The following PLEKHG2 variants were observed in gnomAD, a reference collection of about 807,000 sequenced individuals.
PLEKHG2 encodes the protein pleckstrin homology domain-containing family G member 2.
A neutral mutation model predicts 104.4 loss-of-function variants in PLEKHG2; 71 were observed. The ratio of observed to expected loss-of-function variants is 0.68; its 90% CI spans 0.56 to 0.83. PLEKHG2 has a LOEUF of 0.83. Among genes scored for constraint, PLEKHG2 ranks in the 40% least tolerant of loss-of-function variants. The pLI is 0.00. For missense variants in PLEKHG2, 1,730 were observed against 1,809.4 expected, an observed-to-expected ratio of 0.96 and a Z score of 0.80; for synonymous variants, 728 against 737.0, an observed-to-expected ratio of 0.99 and a Z score of 0.20.
intron 11 of PLEKHG2, 115 bp from the exon 12 acceptor site, chr19:39,420,511 A>G: frequency 7.5e-7 from 1 of 1,341,696 alleles, no homozygotes; most frequent in African/African-American, 1.4e-5. Flanking sequence ...CGTATAGAGC[A>G]AGATCTAAAA....
At chr19:39,414,508 A>G (rs1047363215) in intron 2 of PLEKHG2, among the ~76,000 whole-genome samples, 1 of 152,214 alleles carries the variant, frequency 6.6e-6, no homozygotes, top group Admixed American at 6.5e-5. Context: ...TTCTACATGC[A>G]AGGAACAGCA....
chr19:39,424,281 C>G lies in PLEKHG2; in HGVS notation c.3148C>G (p.Pro1050Ala), dbSNP rs1307709374. The change falls in exon 19 of 19, where the codon CCA becomes GCA. Residue 1050 changes from proline to alanine, a missense_variant. By Grantham distance (27) the Pro-to-Ala change is conservative. Coordinates refer to ENST00000425673, the MANE Select transcript of PLEKHG2 (RefSeq NM_022835.3). ...KQEGHLDSES[P>A]TNIPLTKQGG... Reference sequence around the variant, plus strand: ...AGAAGGTCACCTAGACAGCGAGAGCCCAACCAATATCCCACTGACAAAGCA... The same window carrying G: ...AGAAGGTCACCTAGACAGCGAGAGCGCAACCAATATCCCACTGACAAAGCA... 3.7e-6 allele frequency: 6 copies of G among 1,614,076 alleles called. No homozygotes were observed. Among genetic ancestry groups the G allele is most frequent in the Non-Finnish European group, 5.1e-6 (6 of 1,180,012 alleles).
At chr19:39,418,177 C>T in intron 9 of PLEKHG2, 72 bp downstream of exon 9, 4 of 1,287,476 alleles carry the variant, frequency 3.1e-6, no homozygotes, top group South Asian at 2.3e-5. Context: ...ATCTGTGTGC[C>T]CGGCAGTGTG....
chr19:39,418,039 G>C lies in PLEKHG2; in HGVS notation c.1017G>C (p.Leu339=). 6.4e-7 allele frequency: 1 copy of C among 1,555,360 alleles called. No homozygotes were observed. The highest frequency in any genetic ancestry group is 8.7e-7 in the Non-Finnish European group (1 of 1,150,978). Residue 339 remains leucine (L), a synonymous_variant, in exon 9 of 19, where the codon CTG becomes CTC. Coordinates refer to ENST00000425673, the MANE Select transcript of PLEKHG2 (RefSeq NM_022835.3). The part of the protein sequence containing the change: ...RLRGGERLLF[L]FSRMLLVAKR... ...GAGGGGGTGAGCGGCTGCTCTTCCT[G>C]TTCTCTCGGATGCTGCTGGTGGCCA...
At chr19:39,421,949 G>A (rs1396374926) in intron 16 of PLEKHG2, 166 bp from the exon 17 acceptor site, 10 of 584,684 alleles carry the variant, frequency 1.7e-5, no homozygotes, top group Non-Finnish European at 2.1e-5. Context: ...CCCGGGAGGC[G>A]GAGATTGCAG....
rs761288345 is a variant in PLEKHG2, at chr19:39,425,063, T to C, written c.3930T>C (p.Ser1310=). 1.3e-6 allele frequency: 2 copies of C among 1,596,580 alleles called. No individual in the cohort carries two copies. Among genetic ancestry groups the C allele is most frequent in the Admixed American group, 1.8e-5 (1 of 57,140 alleles). ...APAASRGSWS[S]APTSRASSPP... The stretch of plus-strand genomic sequence containing the variant: ...CAGCCTCCCGGGGCTCCTGGTCCTC[T>C]GCTCCCACGTCACGGGCATCTTCGC... The change falls in exon 19 of 19, where the codon TCT becomes TCC. Residue 1310 remains serine (S), a synonymous_variant. Transcript: ENST00000425673.
In PLEKHG2 at chr19:39,413,371, G is replaced by A. The variant is rs2078547700; in HGVS notation, c.-64G>A. The A allele has an allele frequency of 6.6e-6, 1 of 152,228 alleles. No homozygotes were observed. Among genetic ancestry groups the A allele is most frequent in the African/African-American group, 2.4e-5 (1 of 41,432 alleles). 9.4% of individuals were successfully genotyped at this position (152,228 alleles called of 1,614,324 possible). ...TGGGGACCGCGTCGGGGTCGCGCAG[G>A]AGCCGGGCTGCCTCGAGCCGGGGCT... is the stretch of plus-strand genomic sequence containing the variant. On this transcript the variant is annotated 5_prime_UTR_variant, in exon 1 of 19. Coordinates refer to ENST00000425673, the MANE Select transcript of PLEKHG2 (RefSeq NM_022835.3). The surrounding 1 kb of genome is among the most constrained non-coding windows in gnomAD (Gnocchi z 4.5).
chr19:39,413,013 A>T lies in PLEKHG2; in HGVS notation c.-422A>T, dbSNP rs988084887. ...GAGATCCGGACTTCTAAGCGCCCCA[A>T]CCAGTTTCGGGCTGCAGCGGCCATC... On this transcript the variant is annotated 5_prime_UTR_variant, in exon 1 of 19. Coordinates refer to ENST00000425673, the MANE Select transcript of PLEKHG2 (RefSeq NM_022835.3). The surrounding 1 kb of genome is among the most constrained non-coding windows in gnomAD (Gnocchi z 4.5). 4 of 152,024 alleles carry T rather than the reference A, an allele frequency of 2.6e-5. No individual in the cohort carries two copies. Among genetic ancestry groups the T allele is most frequent in the Admixed American group, 2.0e-4 (3 of 15,256 alleles). The allele number at this position is 152,024 out of a possible 1,614,324, so 9.4% of individuals were successfully genotyped here. A position where few individuals can be genotyped will look rare whatever the true frequency, so the allele number is the denominator to read the frequency against.
Position 39,420,641 on chromosome 19 carries a change from C to T in PLEKHG2, c.1279C>T (p.Leu427Phe), listed in dbSNP as rs1318357193. The change falls in exon 12 of 19, where the codon CTT becomes TTT. Residue 427 changes from leucine to phenylalanine, a missense_variant. Leu to Phe is a conservative substitution (Grantham distance 22, BLOSUM62 0). Coordinates refer to ENST00000425673, the MANE Select transcript of PLEKHG2 (RefSeq NM_022835.3). ...SIPAKAKQVL[L>F]ENSLHCAPKS... ...TGTCTTTCAGGCAAAGCAAGTTCTC[C>T]TTGAAAACAGCCTGCATTGTGAGTT... 2 of 1,614,038 alleles carry T rather than the reference C, an allele frequency of 1.2e-6. No homozygotes were observed. The highest frequency in any genetic ancestry group is 1.7e-6 in the Non-Finnish European group (2 of 1,180,028).
intron 15 of PLEKHG2, 22 bp from the exon 16 acceptor site, chr19:39,421,261 T>A (rs1271508924): frequency 6.2e-7 from 1 of 1,613,778 alleles, no homozygotes; most frequent in East Asian, 2.2e-5. Flanking sequence ...TGCTTCTCTC[T>A]CTCTCATCTC....
In PLEKHG2 at chr19:39,424,816, C is replaced by T. The variant is rs2146022666; in HGVS notation, c.3683C>T (p.Pro1228Leu). 1 of 1,614,196 alleles carries T rather than the reference C, an allele frequency of 6.2e-7. No homozygotes were observed. The highest frequency in any genetic ancestry group is 1.3e-5 in the African/African-American group (1 of 75,046). Reference protein sequence around the residue: ...GGSLDIQGLSPTPVQTTMVLS... With the variant: ...GGSLDIQGLSLTPVQTTMVLS... Reference sequence around the variant, plus strand: ...TCTCTAGACATTCAGGGCCTCTCACCCACCCCAGTTCAGACCACCATGGTT... The same window carrying T: ...TCTCTAGACATTCAGGGCCTCTCACTCACCCCAGTTCAGACCACCATGGTT... Residue 1228 changes from proline (P) to leucine (L), a missense_variant, in exon 19 of 19, where the codon CCC becomes CTC. Transcript: ENST00000425673.
In PLEKHG2 at chr19:39,424,617, A is replaced by G. The variant is rs377484088; in HGVS notation, c.3484A>G (p.Thr1162Ala). ...AGACATCTGGGTCCAAGCCCTCCCA[A>G]CTTCACCCAAGCAGGGAAGCCTCCC... ...LTDIWVQALPTSPKQGSLPDI... is the reference protein window; with the variant it reads ...LTDIWVQALPASPKQGSLPDI... The change falls in exon 19 of 19, where the codon ACT (threonine) becomes GCT (alanine). Residue 1162 changes from threonine (T) to alanine (A), a missense_variant. Physicochemically the swap from Thr to Ala is moderately conservative, Grantham distance 58. Coordinates refer to ENST00000425673, the MANE Select transcript of PLEKHG2 (RefSeq NM_022835.3). 23 of 1,613,846 alleles carry G rather than the reference A, an allele frequency of 1.4e-5. No individual in the cohort carries two copies. Among genetic ancestry groups the G allele is most frequent in the Middle Eastern group, 3.3e-4 (2 of 6,062 alleles).
rs747012355 is a variant in PLEKHG2 at position 39,416,375 on chromosome 19, C to T, written c.507C>T (p.Ser169=). 3 of 1,613,146 alleles carry T rather than the reference C, an allele frequency of 1.9e-6. No homozygotes were observed. Among genetic ancestry groups the T allele is most frequent in the South Asian group, 2.2e-5 (2 of 91,028 alleles). The change falls in exon 5 of 19, where the codon AGC becomes AGT. Residue 169 remains serine, a synonymous_variant. Coordinates refer to ENST00000425673, the MANE Select transcript of PLEKHG2 (RefSeq NM_022835.3). The surrounding 1 kb of genome is among the most constrained non-coding windows in gnomAD (Gnocchi z 4.5). ...SSELLEDLEN[S]SSAGGIAECF... is the part of the protein sequence containing the mutation. Reference sequence around the variant, plus strand: ...AGCTCCTGGAGGACTTGGAGAACAGCAGCAGCGCCGGGGGTATTGCCGAGT... The same window carrying T: ...AGCTCCTGGAGGACTTGGAGAACAGTAGCAGCGCCGGGGGTATTGCCGAGT...
chr19:39,424,196 T>C lies in PLEKHG2; in HGVS notation c.3063T>C (p.Ala1021=). The change falls in exon 19 of 19, where the codon GCT becomes GCC. Residue 1021 remains alanine, a synonymous_variant. Coordinates refer to ENST00000425673, the MANE Select transcript of PLEKHG2 (RefSeq NM_022835.3). ...ACATCCACGTTCCCACCACTCCAGC[T>C]TTGCCCAAGGAGATTTGTTCTGATT... is the stretch of plus-strand genomic sequence containing the variant. ...CADIHVPTTP[A]LPKEICSDFT... 1 of 1,614,050 alleles carries C rather than the reference T, an allele frequency of 6.2e-7. No homozygotes were observed. The highest frequency in any genetic ancestry group is 2.2e-5 in the East Asian group (1 of 44,872).
intron 7 of PLEKHG2, 138 bp downstream of exon 7, chr19:39,417,138 CGCGCACA>C: frequency 1.0e-6 from 1 of 1,002,996 alleles, no homozygotes; most frequent in East Asian, 2.7e-5. Context: ...CGTGAGCCAC[CGCGCACA>C]GCCCTAGCTT....
rs1341326970 is a variant in PLEKHG2 at position 39,425,453 on chromosome 19, T to C, written c.*159T>C. The C allele has an allele frequency of 1.1e-5, 13 of 1,177,116 alleles. No homozygotes were observed. The highest frequency in any genetic ancestry group is 3.4e-6 in the Non-Finnish European group (3 of 886,928). The allele number at this position is 1,177,116 out of a possible 1,614,324, so 72.9% of individuals were successfully genotyped here. A position where few individuals can be genotyped will look rare whatever the true frequency, so the allele number is the denominator to read the frequency against. On this transcript the variant is annotated 3_prime_UTR_variant, in exon 19 of 19. Transcript: ENST00000425673. ...CGGCGAATGGCCCTTCTTGCCTTGA[T>C]CCACAGGGATGGGGAAGGGAGGAAT...
At chr19:39,414,599 G>A (rs556878703) in intron 2 of PLEKHG2, among the ~76,000 whole-genome samples, 8 of 152,338 alleles carry the variant, frequency 5.3e-5, no homozygotes, top group African/African-American at 1.9e-4. Context: ...CAGAGTGTAA[G>A]AAGAGGGGTG....
rs374879232 is a variant in PLEKHG2, at chr19:39,422,631, C to A, written c.1678-101C>A. 9 of 1,414,710 alleles carry A rather than the reference C, an allele frequency of 6.4e-6. No individual in the cohort carries two copies. The Admixed American group carries it at 2.1e-4, about 33-fold the overall frequency. The allele number at this position is 1,414,710 out of a possible 1,614,324, so 87.6% of individuals were successfully genotyped here. ...CTCGAACTCGTAACCTCAAGTGACC[C>A]GCCCACTTCAGCCTCCCAAAGTGCT... On this transcript the variant is annotated intron_variant, in intron 17 of 18. Coordinates refer to ENST00000425673, the MANE Select transcript of PLEKHG2 (RefSeq NM_022835.3).
chr19:39,425,403 G>A lies in PLEKHG2; in HGVS notation c.*109G>A. On this transcript the variant is annotated 3_prime_UTR_variant, in exon 19 of 19. Coordinates refer to ENST00000425673, the MANE Select transcript of PLEKHG2 (RefSeq NM_022835.3). ...GAACGCAGGCCTCAAAACTGCTGCG[G>A]CCTTCCAACTCCTGGTATCTGCATC... The A allele has an allele frequency of 4.8e-6, 7 of 1,455,998 alleles. No homozygotes were observed. Among genetic ancestry groups the A allele is most frequent in the Non-Finnish European group, 6.3e-6 (7 of 1,104,926 alleles). 90.2% of individuals were successfully genotyped at this position (1,455,998 alleles called of 1,614,324 possible).
Sources: gnomAD v4.1 joint callset for allele counts (sites outside exome capture counted in the v4.1 genomes callset) on GRCh38, gnomAD v4.1.1 for gene constraint, Gnocchi (gnomAD v3.1) non-coding constraint, MANE v1.5 for transcripts, NCBI Gene and HGNC (gene_info 2026-07-23, HGNC 2026-07-21) for gene names.